Variants in RHEX observed in about 807,000 individuals in gnomAD.
RHEX encodes regulator of hemoglobinization and erythroid cell expansion, also known as regulator of hemoglobinization and erythroid cell expansion protein.
Under a neutral mutation model 20.1 loss-of-function variants are expected in RHEX, and 18 were observed. That is an observed-to-expected ratio of 0.90 (90% CI 0.62 to 1.33). RHEX has a LOEUF of 1.33. Among genes scored for constraint, RHEX ranks in the 40% most tolerant of loss-of-function variants. The pLI is 0.00. For synonymous variants in RHEX, 87 were observed against 77.1 expected, an observed-to-expected ratio of 1.13 and a Z score of -0.67; for missense variants, 192 against 214.3, an observed-to-expected ratio of 0.90 and a Z score of 0.65.
At chr1:206,082,509 C>T (rs1381217004) in intron 1 of RHEX, among the ~76,000 whole-genome samples, 5 of 150,322 alleles carry the variant, frequency 3.3e-5, no homozygotes, top group South Asian at 2.1e-4. Context: ...CAGAGAGAGA[C>T]TCCGTCTCAA....
intron 1 of RHEX, chr1:206,083,602 A>G: frequency 1.0e-6 from 1 of 985,484 alleles, no homozygotes; most frequent in Non-Finnish European, 1.2e-6. Flanking sequence ...TTCCGTTAGG[A>G]CATCGCTGAA....
chr1:206,092,228 C>T (rs1662968798), intron 1 of RHEX, among the ~76,000 whole-genome samples: 1 of 151,994 alleles, frequency 6.6e-6, no homozygotes. Context: ...TCAGCCAATG[C>T]TTTTAATTTC....
At chr1:206,066,816 A>T (rs1275267003) in intron 1 of RHEX, among the ~76,000 whole-genome samples, 2 of 152,216 alleles carry the variant, frequency 1.3e-5, no homozygotes, top group Non-Finnish European at 2.9e-5. Flanking sequence ...ATAAACATAT[A>T]TGTTACATAT....
chr1:206,092,769 A>C (rs1662984594), intron 1 of RHEX, among the ~76,000 whole-genome samples: 1 of 150,838 alleles, frequency 6.6e-6, no homozygotes, highest in Non-Finnish European at 1.5e-5. Flanking sequence ...AATTTGGTTT[A>C]TTTGTGTTTC....
At chr1:206,095,293 G>A (rs1321525177) in intron 1 of RHEX, among the ~76,000 whole-genome samples, 2 of 152,102 alleles carry the variant, frequency 1.3e-5, no homozygotes, top group African/African-American at 4.8e-5. Flanking sequence ...ACAAAAATTA[G>A]GTGTCAAATG....
rs148954194 is a variant in RHEX, at chr1:206,101,118, G to A, written c.257-18G>A. The A allele has an allele frequency of 2.7e-3, 4,287 of 1,607,276 alleles. 10 individuals carry two copies. The highest frequency in any genetic ancestry group is 3.3e-3 in the Non-Finnish European group (3,897 of 1,176,698). ...TCTGGCTTGCTTTGGAAGAGGAACC[G>A]TTTCTATTTCTCCCCAGATGACAGC... On this transcript the variant is annotated intron_variant, in intron 4 of 5. Coordinates refer to ENST00000331555, the MANE Select transcript of RHEX (RefSeq NM_001007544.4).
chr1:206,059,772 GA>G (rs1395478932), intron 1 of RHEX, among the ~76,000 whole-genome samples: 1 of 152,136 alleles, frequency 6.6e-6, no homozygotes, highest in African/African-American at 2.4e-5. Context: ...AATGTGGCTG[GA>G]GAGGGGATGG....
At chr1:206,101,032 T>C in intron 4 of RHEX, 104 bp from the exon 5 acceptor site, 1 of 866,088 alleles carries the variant, frequency 1.2e-6, no homozygotes, top group Non-Finnish European at 1.8e-6. Context: ...GCTCTGCCTC[T>C]GTCTTTATCT....
intron 1 of RHEX, among the ~76,000 whole-genome samples, chr1:206,068,694 A>C (rs1480867393): frequency 6.6e-6 from 1 of 152,246 alleles, no homozygotes; most frequent in African/African-American, 2.4e-5. Flanking sequence ...ATAAATCTTA[A>C]TGGATAGGTT....
At chr1:206,083,971 C>T (rs1662787736) in intron 1 of RHEX, among the ~76,000 whole-genome samples, 1 of 152,204 alleles carries the variant, frequency 6.6e-6, no homozygotes, top group African/African-American at 2.4e-5. Context: ...GCCTCAGTTT[C>T]CTCATCTGTA....
chr1:206,065,694 G>A (rs1553284109), intron 1 of RHEX, among the ~76,000 whole-genome samples: 1 of 152,202 alleles, frequency 6.6e-6, no homozygotes, highest in East Asian at 1.9e-4. Flanking sequence ...GGGACAACAG[G>A]GATCAGGGAC....
intron 3 of RHEX, 126 bp from the exon 4 acceptor site, chr1:206,099,529 G>A: frequency 1.3e-6 from 1 of 787,508 alleles, no homozygotes; most frequent in Non-Finnish European, 2.0e-6. Context: ...ATGTTGACCA[G>A]GCTGGTCTCG....
At chr1:206,084,072 T>G (rs1039899999) in intron 1 of RHEX, among the ~76,000 whole-genome samples, 1 of 152,188 alleles carries the variant, frequency 6.6e-6, no homozygotes, top group Admixed American at 6.5e-5. Context: ...CAATAACAGC[T>G]ATGAAGTTTC....
At chr1:206,064,627 C>G (rs1553283914) in intron 1 of RHEX, among the ~76,000 whole-genome samples, 1 of 147,814 alleles carries the variant, frequency 6.8e-6, no homozygotes, top group African/African-American at 2.5e-5. Flanking sequence ...CTCTGCCCGG[C>G]CGGCCGCCCC....
At chr1:206,093,391 C>T (rs1197342355) in intron 1 of RHEX, among the ~76,000 whole-genome samples, 2 of 152,030 alleles carry the variant, frequency 1.3e-5, no homozygotes, top group Non-Finnish European at 1.5e-5. Flanking sequence ...CTGCCTCAAC[C>T]TCTCGAGTAG....
intron 1 of RHEX, among the ~76,000 whole-genome samples, chr1:206,092,855 T>C (rs1356113206): frequency 6.6e-6 from 1 of 152,234 alleles, no homozygotes; most frequent in East Asian, 1.9e-4. Flanking sequence ...GGCTGAATGT[T>C]ACAAAATGGA....
intron 1 of RHEX, among the ~76,000 whole-genome samples, chr1:206,056,026 T>C (rs532152563): frequency 1.3e-4 from 20 of 152,384 alleles, no homozygotes; most frequent in South Asian, 2.1e-4. Flanking sequence ...AGGACACCAT[T>C]AGCTAATGAA....
intron 1 of RHEX, among the ~76,000 whole-genome samples, chr1:206,074,902 G>T (rs543542918): frequency 1.3e-5 from 2 of 152,282 alleles, no homozygotes; most frequent in South Asian, 4.2e-4. Flanking sequence ...ACGTGCCCAG[G>T]TTCCCTTCAC....
chr1:206,072,648 T>C (rs1244772434), intron 1 of RHEX, among the ~76,000 whole-genome samples: 1 of 152,176 alleles, frequency 6.6e-6, no homozygotes, highest in African/African-American at 2.4e-5. Context: ...TCTGAAAATA[T>C]GTTTCTGGGC....
Sources: gnomAD v4.1 joint callset for allele counts (sites outside exome capture counted in the v4.1 genomes callset) on GRCh38, gnomAD v4.1.1 for gene constraint, MANE v1.5 for transcripts, NCBI Gene and HGNC (gene_info 2026-07-23, HGNC 2026-07-21) for gene names.